TUBGCP3: variants seen among roughly 807,000 people sequenced by gnomAD.
TUBGCP3 encodes the protein tubulin gamma complex component 3, also known as gamma-tubulin complex component 3.
A neutral mutation model predicts 123.1 loss-of-function variants in TUBGCP3; 50 were observed. The ratio of observed to expected loss-of-function variants is 0.41; its 90% CI spans 0.32 to 0.51. TUBGCP3 has a LOEUF of 0.51. Among genes scored for constraint, TUBGCP3 ranks in the 20% least tolerant of loss-of-function variants. The pLI is 0.36. For missense variants in TUBGCP3, 882 were observed against 1,127.0 expected (o/e 0.78, Z 3.11); for synonymous variants, 405 against 413.9 (o/e 0.98, Z 0.26).
At chr13:112,506,421 G>A (rs185044504) in intron 17 of TUBGCP3, among the ~76,000 whole-genome samples, 1 of 152,166 alleles carries the variant, frequency 6.6e-6, no homozygotes, top group Admixed American at 6.5e-5. Flanking sequence ...AATCCTCAGC[G>A]CTCCTTACAT....
intron 3 of TUBGCP3, among the ~76,000 whole-genome samples, chr13:112,561,931 A>G (rs1456532743): frequency 6.6e-6 from 1 of 152,240 alleles, no homozygotes; most frequent in Non-Finnish European, 1.5e-5. Context: ...TTTTTTAACT[A>G]TAAAAAGAGC....
intron 20 of TUBGCP3, 141 bp from the exon 21 acceptor site, chr13:112,489,838 T>C (rs1303020683): frequency 4.7e-6 from 3 of 636,494 alleles, no homozygotes; most frequent in Non-Finnish European, 8.3e-6. Context: ...TCACAATAAT[T>C]TTCTGATGCC....
chr13:112,518,915 CA>C, intron 16 of TUBGCP3, 59 bp downstream of exon 16: 1 of 1,490,114 alleles, frequency 6.7e-7, no homozygotes, highest in Admixed American at 1.7e-5. Context: ...CAATTTCAAA[CA>C]AAATGTTTAA....
chr13:112,497,118 A>G (rs925186514), intron 20 of TUBGCP3, among the ~76,000 whole-genome samples: 3 of 152,178 alleles, frequency 2.0e-5, no homozygotes, highest in African/African-American at 7.2e-5. Flanking sequence ...TTGAATGCCT[A>G]CTAAATAAGC....
At chr13:112,510,985 A>G (rs924732578) in intron 17 of TUBGCP3, among the ~76,000 whole-genome samples, 8 of 152,246 alleles carry the variant, frequency 5.3e-5, no homozygotes, top group Admixed American at 2.0e-4. Flanking sequence ...CCAAGGCCAC[A>G]CTGGACAGTT....
intron 19 of TUBGCP3, among the ~76,000 whole-genome samples, chr13:112,499,883 A>T (rs1240911996): frequency 6.6e-6 from 1 of 152,228 alleles, no homozygotes. Flanking sequence ...ACACAATGAA[A>T]TCTACAGCAC....
chr13:112,534,160 C>T (rs1357743485), intron 11 of TUBGCP3, among the ~76,000 whole-genome samples: 1 of 152,166 alleles, frequency 6.6e-6, no homozygotes, highest in Non-Finnish European at 1.5e-5. Context: ...TGCAGGGAAT[C>T]GGAGGGTGGA....
rs570877037 is a variant in TUBGCP3, at chr13:112,568,922, A to G, written c.184+230T>C. 1.2e-4 allele frequency among the ~76,000 whole-genome samples: 19 copies of G among 152,356 alleles called. No homozygotes were observed. In the East Asian group the frequency reaches 3.5e-3, roughly 28 times the overall value. On this transcript the variant is annotated intron_variant, in intron 2 of 21. Coordinates refer to ENST00000261965, the MANE Select transcript of TUBGCP3 (RefSeq NM_006322.6). ...TAACAAATGGAAAGCTTTCTTCTCTAAGGTGCCAGGATTTGCAAAAGCTTT... is the reference window on the plus strand; with the variant it reads ...TAACAAATGGAAAGCTTTCTTCTCTGAGGTGCCAGGATTTGCAAAAGCTTT...
At chr13:112,558,901 A>C (rs1198118551) in intron 4 of TUBGCP3, among the ~76,000 whole-genome samples, 1 of 152,180 alleles carries the variant, frequency 6.6e-6, no homozygotes, top group African/African-American at 2.4e-5. Context: ...TCACTCTGAC[A>C]TACTGCAGGG....
intron 11 of TUBGCP3, among the ~76,000 whole-genome samples, chr13:112,542,411 A>T (rs1056921043): frequency 6.6e-6 from 1 of 152,364 alleles, no homozygotes; most frequent in South Asian, 2.1e-4. Flanking sequence ...CTATCAAAGG[A>T]AACGCCCATT....
intron 1 of TUBGCP3, among the ~76,000 whole-genome samples, chr13:112,576,520 C>G (rs1029497444): frequency 1.3e-5 from 2 of 152,026 alleles, no homozygotes; most frequent in Non-Finnish European, 2.9e-5. Context: ...CACAAAAAAA[C>G]GGGTACTGAG....
intron 13 of TUBGCP3, among the ~76,000 whole-genome samples, chr13:112,523,261 G>T (rs896193220): frequency 6.6e-6 from 1 of 152,182 alleles, no homozygotes; most frequent in Non-Finnish European, 1.5e-5. Flanking sequence ...GAGGCAAAAC[G>T]CTAGCTGAAG....
At chr13:112,559,179 AG>A in intron 4 of TUBGCP3, 142 bp downstream of exon 4, 1 of 619,160 alleles carries the variant, frequency 1.6e-6, no homozygotes, top group East Asian at 3.3e-5. Context: ...AAAAAGAAAA[AG>A]GAAAAGAAAT....
chr13:112,588,031 G>C lies in TUBGCP3; in HGVS notation c.-51C>G. 7.3e-7 allele frequency: 1 copy of C among 1,372,080 alleles called. No individual in the cohort carries two copies. Among genetic ancestry groups the C allele is most frequent in the African/African-American group, 1.5e-5 (1 of 66,872 alleles). The allele number at this position is 1,372,080 out of a possible 1,614,324, so 85.0% of individuals were successfully genotyped here. ...TCCGGGCAGAGCCGCCACTGCCGCC[G>C]CACGCGCAGGGACCGCGGCCCGCGC... On this transcript the variant is annotated 5_prime_UTR_variant, in exon 1 of 22. Coordinates refer to ENST00000261965, the MANE Select transcript of TUBGCP3 (RefSeq NM_006322.6).
At position 112,494,674 on chromosome 13, in the gene TUBGCP3, C is replaced by T. The variant is rs533435759; in HGVS notation, c.2448+4371G>A. Reference sequence around the variant, plus strand: ...TATATCCATGGTGGCTGGACTAATCCATGTTCCCTCCGCAGTGTGTGAGGG... The same window carrying T: ...TATATCCATGGTGGCTGGACTAATCTATGTTCCCTCCGCAGTGTGTGAGGG... On this transcript the variant is annotated intron_variant, in intron 20 of 21. Coordinates refer to ENST00000261965, the MANE Select transcript of TUBGCP3 (RefSeq NM_006322.6). 4.7e-4 allele frequency among the ~76,000 whole-genome samples: 71 copies of T among 152,308 alleles called. 1 individual carries two copies. The highest frequency in any genetic ancestry group is 1.4e-3 in the African/African-American group (58 of 41,568).
At chr13:112,595,775 T>A in the TUBGCP3 span, among the ~76,000 whole-genome samples, 1 of 152,206 alleles carries the variant, frequency 6.6e-6, no homozygotes, top group African/African-American at 2.4e-5. Flanking sequence ...ATCTTCTAGT[T>A]GGTATATTTA....
chr13:112,581,432 G>A (rs1882266678), intron 1 of TUBGCP3, among the ~76,000 whole-genome samples: 1 of 151,578 alleles, frequency 6.6e-6, no homozygotes, highest in African/African-American at 2.4e-5. Flanking sequence ...TCCTTTAAAA[G>A]TTGTGTCACT....
chr13:112,558,913 A>T (rs1010360421), intron 4 of TUBGCP3, among the ~76,000 whole-genome samples: 16 of 152,294 alleles, frequency 1.1e-4, no homozygotes, highest in African/African-American at 3.4e-4. Context: ...ACTGCAGGGG[A>T]CAGACACTGA....
chr13:112,573,549 G>A (rs1406152624), intron 1 of TUBGCP3, among the ~76,000 whole-genome samples: 2 of 152,166 alleles, frequency 1.3e-5, no homozygotes, highest in African/African-American at 2.4e-5. Context: ...TCTCATCTCT[G>A]CAGAGGCAAA....
Sources: gnomAD v4.1 joint callset for allele counts (sites outside exome capture counted in the v4.1 genomes callset) on GRCh38, gnomAD v4.1.1 for gene constraint, MANE v1.5 for transcripts, NCBI Gene and HGNC (gene_info 2026-07-23, HGNC 2026-07-21) for gene names.